Variants in PRKG1 observed in about 807,000 individuals in gnomAD.
PRKG1 encodes the protein protein kinase cGMP-dependent 1.
In PRKG1, 35 loss-of-function variants were observed where a neutral mutation model predicts 88.1. The observed-to-expected ratio is 0.40, with a 90% CI of 0.30 to 0.53. PRKG1 has a LOEUF of 0.53. Ranked by LOEUF, PRKG1 falls within the 20% of genes least tolerant of loss-of-function variation. The pLI is 0.59. For missense variants in PRKG1, 540 were observed against 839.8 expected, an observed-to-expected ratio of 0.64 and a Z score of 4.41; for synonymous variants, 303 against 292.5, an observed-to-expected ratio of 1.04 and a Z score of -0.37.
At chr10:52,134,824 T>C (rs1419949616) in intron 8 of PRKG1, among the ~76,000 whole-genome samples, 1 of 152,082 alleles carries the variant, frequency 6.6e-6, no homozygotes, top group African/African-American at 2.4e-5. Context: ...TTTACAAACC[T>C]CACTTTGAGA....
In PRKG1 at chr10:50,991,539, T is replaced by C; in HGVS notation, c.161T>C (p.Ile54Thr). 1 of 1,610,038 alleles carries C rather than the reference T, an allele frequency of 6.2e-7. No homozygotes were observed. Among genetic ancestry groups the C allele is most frequent in the Non-Finnish European group, 8.5e-7 (1 of 1,178,630 alleles). Residue 54 changes from isoleucine to threonine, a missense_variant, in exon 1 of 18, where the codon ATC (isoleucine) becomes ACC (threonine). Physicochemically the swap from Ile to Thr is moderately conservative, Grantham distance 89. Coordinates refer to the PRKG1 transcript ENST00000401604. The surrounding 1 kb of genome is among the most constrained non-coding windows in gnomAD (Gnocchi z 4.5). ...GTGCTCCCAGTGCCCTCGACCCACA[T>C]CGGCCCCCGGACCACCCGGGCGCAG...
chr10:51,425,219 G>T lies in PRKG1; in HGVS notation c.479-42504G>T, dbSNP rs187886530. 2.6e-3 allele frequency among the ~76,000 whole-genome samples: 395 copies of T among 152,248 alleles called. 1 individual carries two copies. The highest frequency in any genetic ancestry group is 0.017 in the Middle Eastern group (5 of 294). On this transcript the variant is annotated intron_variant, in intron 2 of 17. Coordinates refer to ENST00000373980, the MANE Select transcript of PRKG1 (RefSeq NM_006258.4). ...GTGATATTTTATTTTAGTCTTTATA[G>T]TAATCTCTTAAGGAATGTGCTGAAA...
At chr10:52,165,471 TG>T (rs1280895218) in intron 9 of PRKG1, among the ~76,000 whole-genome samples, 2 of 152,182 alleles carry the variant, frequency 1.3e-5, no homozygotes, top group Non-Finnish European at 2.9e-5. Flanking sequence ...AGCTCTAATT[TG>T]TTTAAAATCT....
chr10:51,998,156 C>T (rs556906910), intron 5 of PRKG1, among the ~76,000 whole-genome samples: 1 of 152,114 alleles, frequency 6.6e-6, no homozygotes, highest in Non-Finnish European at 1.5e-5. Flanking sequence ...TTTAAAAATA[C>T]TATTTTTCCC....
At chr10:51,792,925 GAA>G (rs1441567521) in intron 3 of PRKG1, among the ~76,000 whole-genome samples, 1 of 151,878 alleles carries the variant, frequency 6.6e-6, no homozygotes, top group Non-Finnish European at 1.5e-5. Flanking sequence ...AGCTTTCTCA[GAA>G]AAAGTCAGTC....
chr10:51,908,381 G>A (rs1842131408), intron 5 of PRKG1: 2 of 152,178 alleles, frequency 1.3e-5, no homozygotes, highest in South Asian at 2.1e-4. Flanking sequence ...AATAGTGTAT[G>A]GGGGAGGTCA....
intron 9 of PRKG1, among the ~76,000 whole-genome samples, chr10:52,196,561 A>G (rs958672219): frequency 6.6e-6 from 1 of 152,168 alleles, no homozygotes; most frequent in Non-Finnish European, 1.5e-5. Flanking sequence ...ATATTTACCA[A>G]CAACGAAAGA....
intron 4 of PRKG1, among the ~76,000 whole-genome samples, chr10:51,844,032 A>G (rs758266451): frequency 2.0e-5 from 3 of 152,156 alleles, no homozygotes; most frequent in African/African-American, 4.8e-5. Flanking sequence ...GCAAGCAAAT[A>G]GATCTAAGTG....
intron 5 of PRKG1, among the ~76,000 whole-genome samples, chr10:51,948,594 A>G (rs2133047763): frequency 6.6e-6 from 1 of 152,036 alleles, no homozygotes; most frequent in Middle Eastern, 3.4e-3. Flanking sequence ...AAGAATACAT[A>G]TACTGTACTT....
At position 50,991,688 on chromosome 10, in the gene PRKG1, G is replaced by T. The variant is rs769369870; in HGVS notation, c.266+44G>T. 9 of 1,366,340 alleles carry T rather than the reference G, an allele frequency of 6.6e-6. No individual in the cohort carries two copies. The highest frequency in any genetic ancestry group is 6.6e-6 in the Non-Finnish European group (7 of 1,054,160). The allele number at this position is 1,366,340 out of a possible 1,614,324, so 84.6% of individuals were successfully genotyped here. A position where few individuals can be genotyped will look rare whatever the true frequency, so the allele number is the denominator to read the frequency against. On this transcript the variant is annotated intron_variant, in intron 1 of 17. Transcript: ENST00000401604. This position sits in a 1 kb window ranked among gnomAD's most constrained non-coding sequence, Gnocchi z 4.5. Reference sequence around the variant, plus strand: ...GGCCCGGGCGCTCGTCCCGGCCCGCGGCGCAGAGGCTGGGGGCTCTGGCCG... The same window carrying T: ...GGCCCGGGCGCTCGTCCCGGCCCGCTGCGCAGAGGCTGGGGGCTCTGGCCG...
chr10:52,071,942 A>G (rs1447898209), intron 7 of PRKG1, among the ~76,000 whole-genome samples: 1 of 152,152 alleles, frequency 6.6e-6, no homozygotes, highest in East Asian at 1.9e-4. Context: ...ACTTGGGCTG[A>G]CAGAGAGAGT....
intron 2 of PRKG1, among the ~76,000 whole-genome samples, chr10:51,360,284 G>A (rs2132585064): frequency 6.6e-6 from 1 of 152,002 alleles, no homozygotes; most frequent in African/African-American, 2.4e-5. Context: ...AATTTTGCCT[G>A]CCTTCTGTGT....
chr10:51,799,183 T>G (rs973702705), intron 3 of PRKG1, among the ~76,000 whole-genome samples: 1 of 152,054 alleles, frequency 6.6e-6, no homozygotes, highest in African/African-American at 2.4e-5. Context: ...CCTCCTCCAG[T>G]GCACCATTAG....
intron 9 of PRKG1, among the ~76,000 whole-genome samples, chr10:52,238,451 A>G (rs1356411552): frequency 6.6e-6 from 1 of 151,866 alleles, no homozygotes; most frequent in Non-Finnish European, 1.5e-5. Context: ...CAGAATCTAC[A>G]GTGAACTCAA....
At chr10:51,135,964 G>A (rs1234917580) in intron 1 of PRKG1, among the ~76,000 whole-genome samples, 1 of 142,364 alleles carries the variant, frequency 7.0e-6, no homozygotes, top group African/African-American at 2.7e-5. Flanking sequence ...GGGGACTGTT[G>A]TGGGGGAAGG....
chr10:51,810,931 C>T (rs1839440586), intron 4 of PRKG1, among the ~76,000 whole-genome samples: 1 of 152,156 alleles, frequency 6.6e-6, no homozygotes, highest in Non-Finnish European at 1.5e-5. Context: ...AATGATGCAT[C>T]ATCACCTCTG....
chr10:52,181,589 C>A (rs929717849), intron 9 of PRKG1, among the ~76,000 whole-genome samples: 2 of 89,246 alleles, frequency 2.2e-5, no homozygotes, highest in African/African-American at 8.7e-5. Context: ...CCCCCTCCCC[C>A]GACCCCACCA....
intron 3 of PRKG1, among the ~76,000 whole-genome samples, chr10:51,778,060 T>C (rs996254188): frequency 6.6e-6 from 1 of 152,170 alleles, no homozygotes; most frequent in African/African-American, 2.4e-5. Flanking sequence ...TTAATTCTGA[T>C]TACTTGTGCC....
chr10:51,621,154 T>A (rs912447510), intron 3 of PRKG1, among the ~76,000 whole-genome samples: 5 of 151,568 alleles, frequency 3.3e-5, no homozygotes, highest in Non-Finnish European at 7.4e-5. Flanking sequence ...CGGCATTAGT[T>A]TGAAGCCTTT....
Sources: allele counts gnomAD v4.1 joint callset (sites outside exome capture counted in the v4.1 genomes callset), GRCh38; gene constraint gnomAD v4.1.1; non-coding constraint Gnocchi (gnomAD v3.1); transcripts MANE v1.5; gene names NCBI Gene and HGNC (gene_info 2026-07-23, HGNC 2026-07-21).